The following CNTN5 variants were observed in gnomAD, a reference collection of about 807,000 sequenced individuals.
CNTN5 encodes contactin-5.
CNTN5 carries 77 observed loss-of-function variants against 129.1 expected under a neutral mutation model. The ratio of observed to expected loss-of-function variants is 0.60; its 90% CI spans 0.50 to 0.72. The LOEUF (loss-of-function observed/expected upper bound fraction) is 0.72. CNTN5 is among the 30% of genes least tolerant of loss of function. CNTN5 has a pLI of 0.00. For synonymous variants in CNTN5, 509 were observed against 465.6 expected (o/e 1.09, Z -1.20); for missense variants, 1,478 against 1,328.8 (o/e 1.11, Z -1.75).
At chr11:99,093,928 C>T (rs1251474116) in intron 1 of CNTN5, among the ~76,000 whole-genome samples, 1 of 151,768 alleles carries the variant, frequency 6.6e-6, no homozygotes, top group Non-Finnish European at 1.5e-5. Flanking sequence ...TCGATCACTT[C>T]AAATAAGTAC....
intron 3 of CNTN5, among the ~76,000 whole-genome samples, chr11:99,622,069 C>T (rs960161394): frequency 6.6e-6 from 1 of 152,148 alleles, no homozygotes; most frequent in African/African-American, 2.4e-5. Context: ...GCCCTTACAC[C>T]TCCCCATACC....
At chr11:100,338,063 G>A (rs946609161) in intron 21 of CNTN5, among the ~76,000 whole-genome samples, 50 of 152,188 alleles carry the variant, frequency 3.3e-4, no homozygotes, top group African/African-American at 1.1e-3. Context: ...CAGAAGAAAT[G>A]AAGAGGCTAA....
At chr11:99,073,484 A>G (rs1245220997) in intron 1 of CNTN5, among the ~76,000 whole-genome samples, 1 of 149,948 alleles carries the variant, frequency 6.7e-6, no homozygotes, top group Non-Finnish European at 1.5e-5. Context: ...GCACCTATCA[A>G]CCCATCATCT....
intron 13 of CNTN5, among the ~76,000 whole-genome samples, chr11:100,145,930 C>T (rs573550836): frequency 6.6e-6 from 1 of 152,218 alleles, no homozygotes; most frequent in Non-Finnish European, 1.5e-5. Flanking sequence ...TCATGATTTG[C>T]TCATTAAATT....
At chr11:99,474,947 G>A (rs932800667) in intron 2 of CNTN5, among the ~76,000 whole-genome samples, 4 of 152,126 alleles carry the variant, frequency 2.6e-5, no homozygotes, top group African/African-American at 7.2e-5. Context: ...CAAAACTCAC[G>A]TTGAAATGTA....
intron 1 of CNTN5, among the ~76,000 whole-genome samples, chr11:99,267,902 G>A (rs1386212629): frequency 7.4e-6 from 1 of 134,938 alleles, no homozygotes; most frequent in African/African-American, 2.9e-5. Flanking sequence ...TCTCTATCAA[G>A]TAAACACACA....
At chr11:100,321,043 C>T (rs1303210875) in intron 21 of CNTN5, among the ~76,000 whole-genome samples, 3 of 151,972 alleles carry the variant, frequency 2.0e-5, no homozygotes, top group Non-Finnish European at 2.9e-5. Context: ...TATTTGGGGA[C>T]TTTTGTAGTT....
intron 10 of CNTN5, among the ~76,000 whole-genome samples, chr11:100,067,583 T>C (rs1833491): frequency 0.81 from 123,602 of 151,894 alleles, 51,067 homozygotes; most frequent in East Asian, 1. Context: ...CAAGGTACAG[T>C]GTTCAAAGCA....
At chr11:99,248,491 C>A (rs1861933187) in intron 1 of CNTN5, among the ~76,000 whole-genome samples, 1 of 151,990 alleles carries the variant, frequency 6.6e-6, no homozygotes, top group Non-Finnish European at 1.5e-5. Context: ...TCAATTTTGG[C>A]TTTTGTTGCC....
intron 2 of CNTN5, among the ~76,000 whole-genome samples, chr11:99,357,304 T>C (rs917974321): frequency 6.6e-6 from 1 of 152,182 alleles, no homozygotes; most frequent in African/African-American, 2.4e-5. Flanking sequence ...CACCAGCGTA[T>C]ACCTGAGATC....
intron 2 of CNTN5, among the ~76,000 whole-genome samples, chr11:99,514,111 G>T (rs191867945): frequency 3.8e-4 from 58 of 152,152 alleles, no homozygotes; most frequent in African/African-American, 1.3e-3. Context: ...GAATTTTAGG[G>T]GTCCAAGACT....
Position 99,479,748 on chromosome 11 carries a change from A to G in CNTN5, c.-70-76397A>G, listed in dbSNP as rs548323525. 2.0e-5 allele frequency among the ~76,000 whole-genome samples: 3 copies of G among 152,248 alleles called. No homozygotes were observed. In the South Asian group the frequency reaches 6.2e-4, roughly 32 times the overall value. On this transcript the variant is annotated intron_variant, in intron 2 of 24. Transcript: ENST00000524871. ...AATACTCTACTTAATTAAATTTAAAAAACAAAATTTTATTAATTTTCACCT... is the reference window on the plus strand; with the variant it reads ...AATACTCTACTTAATTAAATTTAAAGAACAAAATTTTATTAATTTTCACCT...
chr11:99,208,721 A>G (rs145439756), intron 1 of CNTN5, among the ~76,000 whole-genome samples: 93 of 152,268 alleles, frequency 6.1e-4, no homozygotes, highest in Non-Finnish European at 1.1e-3. Context: ...TGGGATTCAA[A>G]CACAAGGACA....
At chr11:99,668,130 C>G (rs1242359753) in intron 3 of CNTN5, among the ~76,000 whole-genome samples, 1 of 152,048 alleles carries the variant, frequency 6.6e-6, no homozygotes, top group Non-Finnish European at 1.5e-5. Flanking sequence ...CTTGTCATTT[C>G]TAGTTGAATG....
Position 100,308,429 on chromosome 11 carries a change from A to G in CNTN5, c.2691A>G (p.Lys897=), listed in dbSNP as rs1172121651. 6.2e-7 allele frequency: 1 copy of G among 1,611,008 alleles called. No individual in the cohort carries two copies. Among genetic ancestry groups the G allele is most frequent in the East Asian group, 2.2e-5 (1 of 44,788 alleles). ...TGTCAGAGATTCTTGTTGCATGGAA[A>G]CACATTAAAGAGAGTCTAGGAAGAC... ...VSVSEILVAW[K]HIKESLGRPQ... The change falls in exon 21 of 25, where the codon AAA becomes AAG. Residue 897 remains lysine, a synonymous_variant. Transcript: ENST00000524871.
rs76129221 is a variant in CNTN5 at position 99,546,480 on chromosome 11, G to A, written c.-70-9665G>A. On this transcript the variant is annotated intron_variant, in intron 2 of 24. Transcript: ENST00000524871. ...CTATAAATTGAGAGAGGAAACTTTA[G>A]TTGTTATAAAGAGTTACAGCCTGTC... 1.0e-3 allele frequency among the ~76,000 whole-genome samples: 157 copies of A among 151,802 alleles called. 1 individual carries two copies. Among genetic ancestry groups the A allele is most frequent in the African/African-American group, 3.6e-3 (148 of 41,100 alleles).
chr11:99,930,818 C>CACACACACACACAT (rs1261996653), intron 7 of CNTN5, among the ~76,000 whole-genome samples: 1 of 151,502 alleles, frequency 6.6e-6, no homozygotes, highest in Non-Finnish European at 1.5e-5. Context: ...CACACACACA[C>CACACACACACACAT]ATTTTAGTAT....
At chr11:100,019,828 C>T (rs879473251) in intron 9 of CNTN5, among the ~76,000 whole-genome samples, 30 of 151,954 alleles carry the variant, frequency 2.0e-4, no homozygotes. Context: ...GTTCCGTTTT[C>T]TCCACGTCCT....
intron 4 of CNTN5, among the ~76,000 whole-genome samples, chr11:99,826,881 G>A (rs1201312914): frequency 1.3e-5 from 2 of 152,076 alleles, no homozygotes; most frequent in Non-Finnish European, 2.9e-5. Context: ...CTCTCTCATG[G>A]GAGGAAGGAA....
Sources: allele counts gnomAD v4.1 joint callset (sites outside exome capture counted in the v4.1 genomes callset), GRCh38; gene constraint gnomAD v4.1.1; transcripts MANE v1.5; gene names NCBI Gene and HGNC (gene_info 2026-07-23, HGNC 2026-07-21).